POLE: variants seen among roughly 807,000 people sequenced by gnomAD.
POLE encodes the protein DNA polymerase epsilon, catalytic subunit.
Under a neutral mutation model 279.2 loss-of-function variants are expected in POLE, and 188 were observed. That is an observed-to-expected ratio of 0.67 (90% CI 0.60 to 0.76). The LOEUF (loss-of-function observed/expected upper bound fraction) is 0.76, where lower values mean the gene tolerates loss of function less well. Among genes scored for constraint, POLE ranks in the 30% least tolerant of loss-of-function variants. The pLI is 0.00. For synonymous variants in POLE, 1,214 were observed against 1,172.5 expected (o/e 1.04, Z -0.72); for missense variants, 2,703 against 3,016.7 (o/e 0.90, Z 2.44).
intron 13 of POLE, 33 bp from the exon 14 acceptor site, chr12:132,673,310 A>G (rs1180741617): frequency 7.0e-7 from 1 of 1,427,730 alleles, no homozygotes; most frequent in Non-Finnish European, 9.9e-7. Flanking sequence ...CAGGGCCATC[A>G]AAAATCAAGA....
chr12:132,683,597 C>T (rs1274170413), intron 1 of POLE, among the ~76,000 whole-genome samples: 2 of 152,182 alleles, frequency 1.3e-5, no homozygotes, highest in Non-Finnish European at 2.9e-5. Flanking sequence ...ATCAAAAACA[C>T]AGAAAAACTA....
intron 29 of POLE, among the ~76,000 whole-genome samples, chr12:132,652,250 T>TA (rs1319967142): frequency 6.6e-6 from 1 of 151,674 alleles, no homozygotes; most frequent in Non-Finnish European, 1.5e-5. Flanking sequence ...ACATGTGCCT[T>TA]AAAAAAGCCC....
chr12:132,649,629 C>A, intron 30 of POLE, 48 bp downstream of exon 30: 2 of 1,607,138 alleles, frequency 1.2e-6, no homozygotes, highest in Non-Finnish European at 1.7e-6. Context: ...GCTCCCTGGG[C>A]TGTGCAGACC....
Position 132,624,354 on chromosome 12 carries a change from A to G in POLE, c.*343T>C. 2.6e-6 allele frequency: 1 copy of G among 385,258 alleles called. No homozygotes were observed. Among genetic ancestry groups the G allele is most frequent in the Non-Finnish European group, 4.8e-6 (1 of 207,336 alleles). The allele number at this position is 385,258 out of a possible 1,614,324, so 23.9% of individuals were successfully genotyped here. A position where few individuals can be genotyped will look rare whatever the true frequency, so the allele number is the denominator to read the frequency against. ...GCAGGACAAAGAACTAGGGGCACCT[A>G]GAGGACGCTCCCACCCCACCAGGTG... On this transcript the variant is annotated 3_prime_UTR_variant, in exon 49 of 49. Coordinates refer to ENST00000320574, the MANE Select transcript of POLE (RefSeq NM_006231.4).
Position 132,675,451 on chromosome 12 carries a change from C to T in POLE, c.1173G>A (p.Lys391=), listed in dbSNP as rs1593076842. ...LSMQQEIGFQ[K]DSQGEYKAPQ... ...GCGCCTTGTACTCCCCCTGGCTGTC[C>T]TTCTGGAAGCCTATCTCCTGCTGCA... Residue 391 remains lysine, a synonymous_variant, in exon 12 of 49, where the codon AAG becomes AAA. Coordinates refer to ENST00000320574, the MANE Select transcript of POLE (RefSeq NM_006231.4). The surrounding 1 kb of genome is among the most constrained non-coding windows in gnomAD (Gnocchi z 4.3). The T allele has an allele frequency of 1.9e-6, 3 of 1,613,970 alleles. No homozygotes were observed. The highest frequency in any genetic ancestry group is 2.5e-6 in the Non-Finnish European group (3 of 1,179,810).
chr12:132,643,127 A>T, intron 35 of POLE, 97 bp downstream of exon 35: 2 of 1,487,230 alleles, frequency 1.3e-6, no homozygotes, highest in Non-Finnish European at 9.2e-7. Flanking sequence ...AAGGCCCTTG[A>T]GGACAAGACC....
At chr12:132,626,502 C>T (rs1426412469) in intron 45 of POLE, among the ~76,000 whole-genome samples, 185 bp from the exon 46 acceptor site, 1 of 152,174 alleles carries the variant, frequency 6.6e-6, no homozygotes. Context: ...GGACAGGCTT[C>T]CCTGGGGAAT....
Position 132,664,610 on chromosome 12 carries a change from G to A in POLE, c.2469-148C>T, listed in dbSNP as rs889373835. On this transcript the variant is annotated intron_variant, in intron 21 of 48. Coordinates refer to ENST00000320574, the MANE Select transcript of POLE (RefSeq NM_006231.4). The surrounding 1 kb of genome is among the most constrained non-coding windows in gnomAD (Gnocchi z 5.3). ...GTGCGTGCACCAGGACAGAACTAAGGTGGAATCTGGCTCTGCCCGAGGACA... is the reference window on the plus strand; with the variant it reads ...GTGCGTGCACCAGGACAGAACTAAGATGGAATCTGGCTCTGCCCGAGGACA... 7 of 674,798 alleles carry A rather than the reference G, an allele frequency of 1.0e-5. No individual in the cohort carries two copies. The highest frequency in any genetic ancestry group is 8.8e-5 in the African/African-American group (5 of 56,822). 41.8% of individuals were successfully genotyped at this position (674,798 alleles called of 1,614,324 possible).
intron 43 of POLE, chr12:132,633,796 T>G (rs1024343020): frequency 6.0e-6 from 1 of 166,840 alleles, no homozygotes; most frequent in African/African-American, 2.4e-5. Context: ...AGGGGGCAGC[T>G]GACCTGACCC....
chr12:132,685,715 G>GTAGA (rs1476857754), intron 1 of POLE, among the ~76,000 whole-genome samples: 1 of 152,130 alleles, frequency 6.6e-6, no homozygotes, highest in Non-Finnish European at 1.5e-5. Flanking sequence ...AACACACCAT[G>GTAGA]TAGACCCTAA....
rs189320405 is a variant in POLE, at chr12:132,631,698, C to T, written c.6330+617G>A. 3.9e-5 allele frequency among the ~76,000 whole-genome samples: 6 copies of T among 152,236 alleles called. No homozygotes were observed. In the East Asian group the frequency reaches 7.7e-4, roughly 20 times the overall value. On this transcript the variant is annotated intron_variant, in intron 45 of 48. Transcript: ENST00000320574. ...CCTTTCCCAGAAAGGCCTCAGCATCCGAGCAAGCTCTCATCTCATCAGCTC... is the reference window on the plus strand; with the variant it reads ...CCTTTCCCAGAAAGGCCTCAGCATCTGAGCAAGCTCTCATCTCATCAGCTC...
At position 132,679,939 on chromosome 12, in the gene POLE, C is replaced by A; in HGVS notation, c.423+15G>T. ...CTGGCCTCATTTACCCCTGGAAAGT[C>A]TGGGTGATACTCACCAAGTCCAGAT... On this transcript the variant is annotated intron_variant, in intron 5 of 48. Coordinates refer to ENST00000320574, the MANE Select transcript of POLE (RefSeq NM_006231.4). 6.3e-7 allele frequency: 1 copy of A among 1,582,514 alleles called. No homozygotes were observed. Among genetic ancestry groups the A allele is most frequent in the Non-Finnish European group, 8.6e-7 (1 of 1,156,694 alleles).
At chr12:132,663,334 A>G (rs2042720299) in intron 23 of POLE, among the ~76,000 whole-genome samples, 1 of 152,070 alleles carries the variant, frequency 6.6e-6, no homozygotes, top group South Asian at 2.1e-4. Flanking sequence ...CCCACAACAC[A>G]CCCACACTCC....
intron 8 of POLE, 80 bp downstream of exon 8, chr12:132,677,283 G>C: frequency 1.0e-6 from 1 of 975,438 alleles, no homozygotes; most frequent in Non-Finnish European, 1.7e-6. Flanking sequence ...CTTTGAGTCA[G>C]ATTCACTCTC....
Position 132,639,343 on chromosome 12 carries a change from C to T in POLE, c.5379-45G>A, listed in dbSNP as rs764152088. The stretch of plus-strand genomic sequence containing the variant: ...ACACCCTCGTACCCTCAGCCTCCCA[C>T]GCTGCTGCCACGCGGGACGCTCCAA... On this transcript the variant is annotated intron_variant, in intron 39 of 48. Coordinates refer to ENST00000320574, the MANE Select transcript of POLE (RefSeq NM_006231.4). The surrounding 1 kb of genome is among the most constrained non-coding windows in gnomAD (Gnocchi z 4.7). 1.3e-5 allele frequency: 20 copies of T among 1,589,880 alleles called. No homozygotes were observed. Among genetic ancestry groups the T allele is most frequent in the East Asian group, 2.2e-5 (1 of 44,602 alleles).
At chr12:132,658,063 C>A in intron 26 of POLE, 93 bp from the exon 27 acceptor site, 2 of 800,894 alleles carry the variant, frequency 2.5e-6, no homozygotes, top group South Asian at 1.4e-5. Context: ...GAAATAAGGA[C>A]GTGTAACAGC....
At chr12:132,669,230 C>T (rs905901564) in intron 16 of POLE, among the ~76,000 whole-genome samples, 36 of 151,910 alleles carry the variant, frequency 2.4e-4, no homozygotes, top group African/African-American at 8.5e-4. Context: ...TTTCGGAGAC[C>T]GAGGCCAGAG....
intron 43 of POLE, chr12:132,633,799 C>T (rs142516114): frequency 1.3e-3 from 219 of 168,254 alleles, no homozygotes; most frequent in African/African-American, 4.7e-3. Flanking sequence ...GGGCAGCTGA[C>T]CTGACCCAGG....
At chr12:132,682,222 A>G (rs1262927747) in intron 1 of POLE, among the ~76,000 whole-genome samples, 1 of 151,586 alleles carries the variant, frequency 6.6e-6, no homozygotes, top group East Asian at 1.9e-4. Flanking sequence ...TGAACCCAGG[A>G]GGTGGAGCTT....
Sources: gnomAD v4.1 joint callset for allele counts (sites outside exome capture counted in the v4.1 genomes callset) on GRCh38, gnomAD v4.1.1 for gene constraint, Gnocchi (gnomAD v3.1) non-coding constraint, MANE v1.5 for transcripts, NCBI Gene and HGNC (gene_info 2026-07-23, HGNC 2026-07-21) for gene names.